The following TUBGCP3 variants were observed in gnomAD, a reference collection of about 807,000 sequenced individuals.
TUBGCP3 encodes the protein tubulin gamma complex component 3.
Under a neutral mutation model 123.1 loss-of-function variants are expected in TUBGCP3, and 50 were observed. That is an observed-to-expected ratio of 0.41 (90% CI 0.32 to 0.51). The LOEUF (loss-of-function observed/expected upper bound fraction) is 0.51, where lower values mean the gene tolerates loss of function less well. Among genes scored for constraint, TUBGCP3 ranks in the 20% least tolerant of loss-of-function variants. The probability of loss-of-function intolerance (pLI) is 0.36; values close to 1 mark genes in which losing one functional copy is unlikely to be tolerated. For missense variants in TUBGCP3, 882 were observed against 1,127.0 expected (o/e 0.78, Z 3.11); for synonymous variants, 405 against 413.9 (o/e 0.98, Z 0.26).
intron 10 of TUBGCP3, 38 bp downstream of exon 10, chr13:112,547,573 AAAGTCGCGC>A (rs1879147518): frequency 7.0e-7 from 1 of 1,427,304 alleles, no homozygotes; most frequent in East Asian, 2.6e-5. Context: ...CGCGCGTGGG[AAAGTCGCGC>A]GTGGGAAAGA....
chr13:112,504,264 G>A, intron 18 of TUBGCP3, 101 bp from the exon 19 acceptor site: 1 of 1,425,104 alleles, frequency 7.0e-7, no homozygotes. Context: ...GAGGCGGGCA[G>A]ATCACCTGAG....
At chr13:112,495,628 T>G (rs1311383653) in intron 20 of TUBGCP3, among the ~76,000 whole-genome samples, 1 of 152,236 alleles carries the variant, frequency 6.6e-6, no homozygotes, top group East Asian at 1.9e-4. Context: ...CACATTATCA[T>G]GTTGATCTAT....
At chr13:112,486,300 G>C (rs1398601013) in intron 21 of TUBGCP3, 149 bp from the exon 22 acceptor site, 2 of 986,110 alleles carry the variant, frequency 2.0e-6, no homozygotes, top group African/African-American at 3.3e-5. Flanking sequence ...CAGGTGTCCA[G>C]GGAGCAAGAG....
intron 19 of TUBGCP3, among the ~76,000 whole-genome samples, chr13:112,501,874 T>C (rs1417966779): frequency 1.3e-5 from 2 of 152,162 alleles, no homozygotes; most frequent in Non-Finnish European, 2.9e-5. Flanking sequence ...CTCCCCCGGA[T>C]AGGGTTCTTA....
intron 1 of TUBGCP3, chr13:112,587,345 A>T (rs1763558835): frequency 1.3e-5 from 2 of 152,358 alleles, no homozygotes; most frequent in Admixed American, 1.3e-4. Flanking sequence ...CACGGCAGTT[A>T]CAGTCGTTAA....
At chr13:112,563,146 C>A (rs140091035) in intron 3 of TUBGCP3, among the ~76,000 whole-genome samples, 1 of 152,226 alleles carries the variant, frequency 6.6e-6, no homozygotes, top group Non-Finnish European at 1.5e-5. Context: ...CCACGTCAAC[C>A]TGGACCCTCC....
chr13:112,598,390 A>G, the TUBGCP3 span, among the ~76,000 whole-genome samples: 9 of 151,802 alleles, frequency 5.9e-5, no homozygotes, highest in Non-Finnish European at 2.9e-5. Flanking sequence ...TGCCATGAAT[A>G]CAGGATAAAT....
chr13:112,573,209 T>A (rs1438988187), intron 1 of TUBGCP3, among the ~76,000 whole-genome samples: 1 of 150,468 alleles, frequency 6.6e-6, no homozygotes, highest in South Asian at 2.1e-4. Flanking sequence ...AACACATCCA[T>A]GAAACAAAAC....
chr13:112,506,124 G>T (rs893296325), intron 17 of TUBGCP3, among the ~76,000 whole-genome samples: 1 of 152,230 alleles, frequency 6.6e-6, no homozygotes, highest in Admixed American at 6.5e-5. Flanking sequence ...AGAATTTTTA[G>T]TTAGGGATCA....
At chr13:112,522,624 A>G (rs998442210) in intron 13 of TUBGCP3, 115 bp from the exon 14 acceptor site, 1 of 986,708 alleles carries the variant, frequency 1.0e-6, no homozygotes, top group African/African-American at 1.6e-5. Context: ...TGGCATCAGT[A>G]ACAGACTGAC....
the TUBGCP3 span, among the ~76,000 whole-genome samples, chr13:112,600,214 A>G: frequency 2.0e-5 from 3 of 152,156 alleles, no homozygotes; most frequent in Non-Finnish European, 2.9e-5. Context: ...CATGATGTGG[A>G]TTAGTTTTAA....
At chr13:112,486,364 C>T (rs1879671047) in intron 21 of TUBGCP3, among the ~76,000 whole-genome samples, 1 of 152,176 alleles carries the variant, frequency 6.6e-6, no homozygotes, top group Non-Finnish European at 1.5e-5. Context: ...GGAATGGGCG[C>T]CCTTTTACAA....
chr13:112,503,200 G>C (rs1881049674), intron 19 of TUBGCP3, among the ~76,000 whole-genome samples: 1 of 152,176 alleles, frequency 6.6e-6, no homozygotes, highest in Admixed American at 6.5e-5. Flanking sequence ...CAATATATTT[G>C]CTTCAAGTGA....
At chr13:112,578,558 CAAA>C (rs71131496) in intron 1 of TUBGCP3, among the ~76,000 whole-genome samples, 513 of 24,724 alleles carry the variant, frequency 0.021, 1 homozygote, top group African/African-American at 0.036. Flanking sequence ...GACTCCGTCT[CAAA>C]AAAAAAAAAA....
upstream of TUBGCP3, among the ~76,000 whole-genome samples, chr13:112,591,514 T>A (rs1005281687): frequency 1.3e-5 from 2 of 152,246 alleles, no homozygotes; most frequent in Non-Finnish European, 2.9e-5. Flanking sequence ...AACAAACATC[T>A]TCTTGCAGTA....
At chr13:112,498,668 C>G in intron 20 of TUBGCP3, 1 of 1,176,414 alleles carries the variant, frequency 8.5e-7, no homozygotes, top group Non-Finnish European at 1.2e-6. Context: ...TAGATGCACA[C>G]GTTTGCAAAA....
chr13:112,528,552 C>T (rs995019497), intron 11 of TUBGCP3, among the ~76,000 whole-genome samples: 1 of 152,162 alleles, frequency 6.6e-6, no homozygotes, highest in African/African-American at 2.4e-5. Flanking sequence ...ACCCATCTTG[C>T]TATTCATTTT....
rs1244194566 is a variant in TUBGCP3 at position 112,486,207 on chromosome 13, G to A, written c.2566-56C>T. ...TTTCAGAAAAGAACAACCCACAAAC[G>A]TATTCCCCGGACCTTAATCTCCTTT... On this transcript the variant is annotated intron_variant, in intron 21 of 21. Coordinates refer to ENST00000261965, the MANE Select transcript of TUBGCP3 (RefSeq NM_006322.6). The A allele has an allele frequency of 1.1e-5, 18 of 1,594,606 alleles. 1 individual carries two copies. The Middle Eastern group carries it at 6.7e-4, about 59-fold the overall frequency.
At chr13:112,597,885 C>T in the TUBGCP3 span, among the ~76,000 whole-genome samples, 1 of 151,968 alleles carries the variant, frequency 6.6e-6, no homozygotes, top group Non-Finnish European at 1.5e-5. Flanking sequence ...GTGTCAGAGA[C>T]AATAACTGAA....
Sources: allele counts gnomAD v4.1 joint callset (sites outside exome capture counted in the v4.1 genomes callset), GRCh38; gene constraint gnomAD v4.1.1; transcripts MANE v1.5; gene names NCBI Gene and HGNC (gene_info 2026-07-23, HGNC 2026-07-21).